SIX6: variants seen among roughly 807,000 people sequenced by gnomAD.
SIX6 encodes SIX homeobox 6, also known as homeobox protein SIX6.
SIX6 carries 14 observed loss-of-function variants against 23.6 expected under a neutral mutation model. The ratio of observed to expected loss-of-function variants is 0.59; its 90% confidence interval spans 0.39 to 0.93. The LOEUF (loss-of-function observed/expected upper bound fraction) is 0.93, where lower values mean the gene tolerates loss of function less well. SIX6 is among the 40% of genes least tolerant of loss of function. The pLI is 0.00. For synonymous variants in SIX6, 128 were observed against 144.9 expected (o/e 0.88, Z 0.84); for missense variants, 307 against 325.6 (o/e 0.94, Z 0.44).
In SIX6 at chr14:60,511,388, T is replaced by G. The variant is rs2140189991; in HGVS notation, c.*136T>G. ...GTGACCAGGGACCCGCGGGCTCGGG[T>G]TGCCGTTTCCCGCCCCACCCCGCGG... On this transcript the variant is annotated 3_prime_UTR_variant, in exon 2 of 2. Transcript: ENST00000327720. The G allele has an allele frequency of 9.0e-7, 1 of 1,111,606 alleles. No homozygotes were observed. Among genetic ancestry groups the G allele is most frequent in the Non-Finnish European group, 1.3e-6 (1 of 752,978 alleles). The allele number at this position is 1,111,606 out of a possible 1,614,324, so 68.9% of individuals were successfully genotyped here.
At position 60,511,452 on chromosome 14, in the gene SIX6, G is replaced by C; in HGVS notation, c.*200G>C. The C allele has an allele frequency of 1.5e-6, 1 of 660,104 alleles. No individual in the cohort carries two copies. The highest frequency in any genetic ancestry group is 2.7e-6 in the Non-Finnish European group (1 of 370,350). 40.9% of individuals were successfully genotyped at this position (660,104 alleles called of 1,614,324 possible). On this transcript the variant is annotated 3_prime_UTR_variant, in exon 2 of 2. Coordinates refer to ENST00000327720, the MANE Select transcript of SIX6 (RefSeq NM_007374.3). The stretch of plus-strand genomic sequence containing the variant: ...ACTGGCGCCCTTTGGCCGCGACCAC[G>C]GGAACCAGCGGTGAGGCCTGACCCA...
At chr14:60,511,001 T>C (rs1021964903) in intron 1 of SIX6, 83 bp from the exon 2 acceptor site, 13 of 1,424,146 alleles carry the variant, frequency 9.1e-6, no homozygotes, top group Non-Finnish European at 1.2e-5. Context: ...GCCGCCGGGC[T>C]GGAGGGACGC....
At chr14:60,510,107 C>T in intron 1 of SIX6, 137 bp downstream of exon 1, 1 of 786,276 alleles carries the variant, frequency 1.3e-6, no homozygotes, top group Non-Finnish European at 2.1e-6. Context: ...GGTTAAGAGC[C>T]CTGCGTTCTG....
At chr14:60,510,283 C>A (rs1893270904) in intron 1 of SIX6, among the ~76,000 whole-genome samples, 1 of 152,202 alleles carries the variant, frequency 6.6e-6, no homozygotes, top group Non-Finnish European at 1.5e-5. Flanking sequence ...GTTAGGGACC[C>A]CAAGACCCAA....
At chr14:60,510,047 A>T in intron 1 of SIX6, 77 bp downstream of exon 1, 1 of 1,300,010 alleles carries the variant, frequency 7.7e-7, no homozygotes, top group Non-Finnish European at 1.1e-6. Context: ...GCCCTTACCC[A>T]GTCCCTGGCG....
chr14:60,511,410 G>A lies in SIX6; in HGVS notation c.*158G>A. On this transcript the variant is annotated 3_prime_UTR_variant, in exon 2 of 2. Coordinates refer to ENST00000327720, the MANE Select transcript of SIX6 (RefSeq NM_007374.3). ...GGGTTGCCGTTTCCCGCCCCACCCC[G>A]CGGCCGGCCTGGCTTCACTGGCGCC... 1.1e-6 allele frequency: 1 copy of A among 894,852 alleles called. No homozygotes were observed. Among genetic ancestry groups the A allele is most frequent in the Non-Finnish European group, 1.8e-6 (1 of 562,818 alleles). The allele number at this position is 894,852 out of a possible 1,614,324, so 55.4% of individuals were successfully genotyped here. A position where few individuals can be genotyped will look rare whatever the true frequency, so the allele number is the denominator to read the frequency against.
Position 60,511,227 on chromosome 14 carries a change from C to T in SIX6, c.716C>T (p.Ser239Phe). ...KAATSAISIT[S>F]SDSECDI is the part of the protein sequence containing the mutation. The stretch of plus-strand genomic sequence containing the variant: ...GCCACTTCAGCCATCTCCATCACGT[C>T]CAGCGACAGCGAGTGCGACATCTGA... The change falls in exon 2 of 2, where the codon TCC becomes TTC. Residue 239 changes from serine to phenylalanine, a missense_variant. By Grantham distance (155) the Ser-to-Phe change is radical. Transcript: ENST00000327720. 6.2e-7 allele frequency: 1 copy of T among 1,613,404 alleles called. No individual in the cohort carries two copies.
chr14:60,509,590 T>C lies in SIX6; in HGVS notation c.192T>C (p.Gly64=), dbSNP rs1334730551. 2 of 1,613,218 alleles carry C rather than the reference T, an allele frequency of 1.2e-6. No homozygotes were observed. The highest frequency in any genetic ancestry group is 1.7e-6 in the Non-Finnish European group (2 of 1,180,030). Residue 64 remains glycine, a synonymous_variant, in exon 1 of 2, where the codon GGT becomes GGC. Coordinates refer to ENST00000327720, the MANE Select transcript of SIX6 (RefSeq NM_007374.3). ...CACGAGCCATCGTGGCCTTTCACGG[T>C]GGCAACTACCGCGAGCTCTATCATA... is the stretch of plus-strand genomic sequence containing the variant. ...LRARAIVAFH[G]GNYRELYHIL...
intron 1 of SIX6, among the ~76,000 whole-genome samples, chr14:60,510,316 C>G (rs895781814): frequency 6.6e-6 from 1 of 152,234 alleles, no homozygotes; most frequent in Admixed American, 6.5e-5. Flanking sequence ...TCAGCCTGGG[C>G]ACAGGCTCCT....
At chr14:60,510,075 G>T (rs1197168480) in intron 1 of SIX6, 105 bp downstream of exon 1, 2 of 1,026,696 alleles carry the variant, frequency 1.9e-6, no homozygotes, top group Non-Finnish European at 3.0e-6. Context: ...TTCAGCAGGA[G>T]TTGGGAGCGC....
rs1326700625 is a variant in SIX6, at chr14:60,509,170, G to C, written c.-229G>C. 7.1e-6 allele frequency: 4 copies of C among 564,292 alleles called. No homozygotes were observed. The highest frequency in any genetic ancestry group is 9.5e-6 in the Non-Finnish European group (3 of 317,238). The allele number at this position is 564,292 out of a possible 1,614,324, so 35.0% of individuals were successfully genotyped here. ...CAATAGCGGAGCCAGCTCGCCTGCC[G>C]GCGTGCCTGAGCCGAGCCGAGCCCG... is the stretch of plus-strand genomic sequence containing the variant. On this transcript the variant is annotated 5_prime_UTR_variant, in exon 1 of 2. Coordinates refer to ENST00000327720, the MANE Select transcript of SIX6 (RefSeq NM_007374.3).
At position 60,509,539 on chromosome 14, in the gene SIX6, C is replaced by T. The variant is rs756246855; in HGVS notation, c.141C>T (p.Leu47=). ...TGGCCCCTGCGGCCTGCGAGGCCCT[C>T]AACAAGAATGAGTCGGTGCTACGCG... ...LPVAPAACEA[L]NKNESVLRAR... The change falls in exon 1 of 2, where the codon CTC becomes CTT. Residue 47 remains leucine, a synonymous_variant. Transcript: ENST00000327720. The T allele has an allele frequency of 2.5e-6, 4 of 1,610,044 alleles. No homozygotes were observed. The East Asian group carries it at 8.9e-5, about 36-fold the overall frequency.
At position 60,509,479 on chromosome 14, in the gene SIX6, G is replaced by A; in HGVS notation, c.81G>A (p.Val27=). Residue 27 remains valine, a synonymous_variant, in exon 1 of 2, where the codon GTG becomes GTA. Coordinates refer to ENST00000327720, the MANE Select transcript of SIX6 (RefSeq NM_007374.3). ...AGACCCTGGAAGAGAGCGGCGATGTGGAGCGCCTGGGTCGCTTCCTCTGGT... is the reference window on the plus strand; with the variant it reads ...AGACCCTGGAAGAGAGCGGCGATGTAGAGCGCCTGGGTCGCTTCCTCTGGT... ...VCETLEESGD[V]ERLGRFLWSL... The A allele has an allele frequency of 5.6e-6, 9 of 1,601,384 alleles. No individual in the cohort carries two copies. Among genetic ancestry groups the A allele is most frequent in the Non-Finnish European group, 7.6e-6 (9 of 1,179,964 alleles).
At position 60,509,319 on chromosome 14, in the gene SIX6, C is replaced by A. The variant is rs1364747134; in HGVS notation, c.-80C>A. 8.1e-7 allele frequency: 1 copy of A among 1,237,450 alleles called. No individual in the cohort carries two copies. The highest frequency in any genetic ancestry group is 1.2e-6 in the Non-Finnish European group (1 of 852,554). The allele number at this position is 1,237,450 out of a possible 1,614,324, so 76.7% of individuals were successfully genotyped here. ...ATCCGCCTCATCAACAAGCGCCTGG[C>A]ACACTCAGCCAGGCCCGCGGGCATC... is the stretch of plus-strand genomic sequence containing the variant. On this transcript the variant is annotated 5_prime_UTR_variant, in exon 1 of 2. Transcript: ENST00000327720.
rs764473643 is a variant in SIX6, at chr14:60,509,990, C to G, written c.572+20C>G. The stretch of plus-strand genomic sequence containing the variant: ...GAACAGGTCGGTACCTAGAGGCCTC[C>G]GCGCTTTGAGCGCACCGGGGAGGAG... On this transcript the variant is annotated intron_variant, in intron 1 of 1. Coordinates refer to ENST00000327720, the MANE Select transcript of SIX6 (RefSeq NM_007374.3). 1 of 1,580,432 alleles carries G rather than the reference C, an allele frequency of 6.3e-7. No individual in the cohort carries two copies. Among genetic ancestry groups the G allele is most frequent in the Non-Finnish European group, 8.6e-7 (1 of 1,161,446 alleles).
At position 60,512,755 on chromosome 14, in the gene SIX6, A is replaced by G. The variant is rs1893313296; in HGVS notation, c.*1503A>G. The G allele has an allele frequency of 6.6e-6, 1 of 152,260 alleles. No homozygotes were observed. The highest frequency in any genetic ancestry group is 6.5e-5 in the Admixed American group (1 of 15,292). 9.4% of individuals were successfully genotyped at this position (152,260 alleles called of 1,614,324 possible). A position where few individuals can be genotyped will look rare whatever the true frequency, so the allele number is the denominator to read the frequency against. ...CATATACAACGCAAAAACATCTACC[A>G]TCTTTGCACTAAGAAAATAAATGCT... On this transcript the variant is annotated 3_prime_UTR_variant, in exon 2 of 2. Coordinates refer to ENST00000327720, the MANE Select transcript of SIX6 (RefSeq NM_007374.3).
At position 60,509,698 on chromosome 14, in the gene SIX6, G is replaced by A. The variant is rs1277630352; in HGVS notation, c.300G>A (p.Glu100=). 2 of 1,614,012 alleles carry A rather than the reference G, an allele frequency of 1.2e-6. No homozygotes were observed. The highest frequency in any genetic ancestry group is 2.2e-5 in the East Asian group (1 of 44,884). ...TTGAAGCACACTACCAGGAGGCTGAGAAGCTGCGTGGAAGACCCCTGGGAC... is the reference window on the plus strand; with the variant it reads ...TTGAAGCACACTACCAGGAGGCTGAAAAGCTGCGTGGAAGACCCCTGGGAC... ...LWLEAHYQEA[E]KLRGRPLGPV... is the part of the protein sequence containing the mutation. The change falls in exon 1 of 2, where the codon GAG becomes GAA. Residue 100 remains glutamate, a synonymous_variant. Transcript: ENST00000327720.
At chr14:60,510,122 C>G (rs1251782098) in intron 1 of SIX6, 152 bp downstream of exon 1, 4 of 715,116 alleles carry the variant, frequency 5.6e-6, no homozygotes, top group Non-Finnish European at 9.5e-6. Flanking sequence ...GTTCTGGGCT[C>G]CTGGCCGGGA....
rs1316631943 is a variant in SIX6 at position 60,512,001 on chromosome 14, G to A, written c.*749G>A. 6 of 152,380 alleles carry A rather than the reference G, an allele frequency of 3.9e-5. No individual in the cohort carries two copies. Among genetic ancestry groups the A allele is most frequent in the South Asian group, 2.1e-4 (1 of 4,832 alleles). The allele number at this position is 152,380 out of a possible 1,614,324, so 9.4% of individuals were successfully genotyped here. A position where few individuals can be genotyped will look rare whatever the true frequency, so the allele number is the denominator to read the frequency against. ...AACCACCTCCCACGTCAAATTACAC[G>A]TATGTGCATATATGTATGTACCTAT... On this transcript the variant is annotated 3_prime_UTR_variant, in exon 2 of 2. Transcript: ENST00000327720.
Sources: gnomAD v4.1 joint callset for allele counts (sites outside exome capture counted in the v4.1 genomes callset) on GRCh38, gnomAD v4.1.1 for gene constraint, MANE v1.5 for transcripts, NCBI Gene and HGNC (gene_info 2026-07-23, HGNC 2026-07-21) for gene names.